Variants in DRD2 observed in about 807,000 individuals in gnomAD.
DRD2 encodes the protein dopamine receptor D2, also known as D(2) dopamine receptor.
A neutral mutation model predicts 38.0 loss-of-function variants in DRD2; 8 were observed. That is an observed-to-expected ratio of 0.21 (90% CI 0.12 to 0.38). DRD2 has a LOEUF of 0.38. Among genes scored for constraint, DRD2 ranks in the 10% least tolerant of loss-of-function variants. The pLI is 1.00. For synonymous variants in DRD2, 230 were observed against 238.6 expected, an observed-to-expected ratio of 0.96 and a Z score of 0.33; for missense variants, 403 against 607.7, an observed-to-expected ratio of 0.66 and a Z score of 3.54.
rs753530257 is a variant in DRD2 at position 113,424,423 on chromosome 11, C to T, written c.229G>A (p.Ala77Thr). 1 of 1,614,190 alleles carries T rather than the reference C, an allele frequency of 6.2e-7. No individual in the cohort carries two copies. The highest frequency in any genetic ancestry group is 8.5e-7 in the Non-Finnish European group (1 of 1,180,040). Residue 77 changes from alanine (A) to threonine (T), a missense_variant, in exon 2 of 8, where the codon GCA becomes ACA. Coordinates refer to ENST00000362072, the MANE Select transcript of DRD2 (RefSeq NM_000795.4). The part of the protein sequence containing the change: ...TTTNYLIVSL[A>T]VADLLVATLV... ...GTGGCGACGAGGAGGTCGGCCACTG[C>T]GAGGCTGACGATCAGGTAGTTGGTG...
At chr11:113,434,494 G>A (rs1368152541) in intron 1 of DRD2, among the ~76,000 whole-genome samples, 1 of 152,180 alleles carries the variant, frequency 6.6e-6, no homozygotes, top group Non-Finnish European at 1.5e-5. Flanking sequence ...GCTGGGGTTG[G>A]GTGCCCAGCT....
At position 113,412,621 on chromosome 11, in the gene DRD2, A is replaced by G; in HGVS notation, c.1073T>C (p.Met358Thr). The part of the protein sequence containing the change: ...NGKTRTSLKT[M>T]SRRKLSQQKE... ...CTGCTGGGAGAGCTTCCTACGGCTC[A>G]TGGTCTTGAGGGAGGTCCGGGTTTT... The change falls in exon 7 of 8, where the codon ATG becomes ACG. Residue 358 changes from methionine (M) to threonine (T), a missense_variant. Met to Thr is a moderately conservative substitution (Grantham distance 81, BLOSUM62 -1). Around this residue, in one of 4 missense-constraint regions of DRD2, gnomAD observed 67 missense variants for 136.1 expected, o/e 0.49. Coordinates refer to ENST00000362072, the MANE Select transcript of DRD2 (RefSeq NM_000795.4). 6.2e-7 allele frequency: 1 copy of G among 1,613,976 alleles called. No individual in the cohort carries two copies. The highest frequency in any genetic ancestry group is 1.1e-5 in the South Asian group (1 of 91,080).
chr11:113,414,162 T>C, intron 6 of DRD2: 1 of 631,410 alleles, frequency 1.6e-6, no homozygotes, highest in African/African-American at 1.8e-5. Context: ...GGCCAACCAT[T>C]TTCTCGTACA....
In DRD2 at chr11:113,418,080, G is replaced by T; in HGVS notation, c.342C>A (p.Asp114Glu). The T allele has an allele frequency of 6.2e-7, 1 of 1,614,174 alleles. No individual in the cohort carries two copies. Among genetic ancestry groups the T allele is most frequent in the Admixed American group, 1.7e-5 (1 of 60,018 alleles). ...RIHCDIFVTL[D>E]VMMCTASILN... is the part of the protein sequence containing the mutation. ...GGATGCTCGCCGTGCACATCATGAC[G>T]TCCAGAGTGACGAAGATGTCACAGT... Residue 114 changes from aspartate to glutamate, a missense_variant, in exon 3 of 8, where the codon GAC becomes GAA. Physicochemically the swap from Asp to Glu is conservative, Grantham distance 45. Around this residue, in one of 4 missense-constraint regions of DRD2, gnomAD observed 162 missense variants for 254.5 expected, o/e 0.64. Coordinates refer to ENST00000362072, the MANE Select transcript of DRD2 (RefSeq NM_000795.4).
intron 1 of DRD2, among the ~76,000 whole-genome samples, chr11:113,462,468 T>G (rs972349881): frequency 1.3e-5 from 2 of 152,088 alleles, no homozygotes; most frequent in Non-Finnish European, 2.9e-5. Context: ...CAGAGAGCCA[T>G]GGGGGAGAGA....
At chr11:113,439,838 CAAAAAAAAAAAAAAAAAAAAA>C (rs67577307) in intron 1 of DRD2, among the ~76,000 whole-genome samples, 2 of 16,258 alleles carry the variant, frequency 1.2e-4, no homozygotes, top group African/African-American at 2.9e-4. Flanking sequence ...GGCTCTGTCT[CAAAAAAAAAAAAAAAAAAAAA>C]AAAAAAAAAA....
intron 6 of DRD2, chr11:113,413,421 T>A (rs941385576): frequency 2.4e-5 from 12 of 510,292 alleles, no homozygotes; most frequent in Admixed American, 1.4e-4. Flanking sequence ...GCCCCACATC[T>A]TCCCTGCTGG....
At chr11:113,423,466 G>A (rs932541193) in intron 2 of DRD2, among the ~76,000 whole-genome samples, 1 of 152,082 alleles carries the variant, frequency 6.6e-6, no homozygotes, top group South Asian at 2.1e-4. Flanking sequence ...AGTAGAGATG[G>A]GGTTTCACCA....
chr11:113,434,730 T>C (rs1951019636), intron 1 of DRD2, among the ~76,000 whole-genome samples: 1 of 152,050 alleles, frequency 6.6e-6, no homozygotes, highest in African/African-American at 2.4e-5. Flanking sequence ...AGTGTCCAGG[T>C]TGGCAGCACC....
At position 113,410,336 on chromosome 11, in the gene DRD2, G is replaced by A. The variant is rs1565657896; in HGVS notation, c.*391C>T. 4 of 413,606 alleles carry A rather than the reference G, an allele frequency of 9.7e-6. No homozygotes were observed. Among genetic ancestry groups the A allele is most frequent in the East Asian group, 4.9e-5 (1 of 20,292 alleles). The allele number at this position is 413,606 out of a possible 1,614,324, so 25.6% of individuals were successfully genotyped here. A position where few individuals can be genotyped will look rare whatever the true frequency, so the allele number is the denominator to read the frequency against. ...CATCTCTCCCCACCGCCTGCTCCAC[G>A]CCAAGCCCCACAAAGAGAAAACTCA... On this transcript the variant is annotated 3_prime_UTR_variant, in exon 8 of 8. Transcript: ENST00000362072.
intron 1 of DRD2, among the ~76,000 whole-genome samples, chr11:113,437,864 C>T (rs1438104534): frequency 1.3e-5 from 2 of 152,184 alleles, no homozygotes; most frequent in African/African-American, 4.8e-5. Context: ...CTTGCTTTGC[C>T]TGGTCTTCTG....
intron 1 of DRD2, among the ~76,000 whole-genome samples, chr11:113,448,202 GT>G (rs952134050): frequency 4.6e-5 from 7 of 152,184 alleles, no homozygotes; most frequent in Non-Finnish European, 1.0e-4. Context: ...GTCTAATGAC[GT>G]TCTTTTCCTG....
chr11:113,434,848 A>G (rs912127501), intron 1 of DRD2, among the ~76,000 whole-genome samples: 2 of 152,182 alleles, frequency 1.3e-5, no homozygotes, highest in African/African-American at 4.8e-5. Flanking sequence ...GCTGAGACTC[A>G]GTTCTCTATG....
chr11:113,415,103 G>C (rs1212308816), intron 5 of DRD2, among the ~76,000 whole-genome samples: 1 of 152,148 alleles, frequency 6.6e-6, no homozygotes, highest in African/African-American at 2.4e-5. Flanking sequence ...AAGTGAGACA[G>C]AGAAACCAGA....
chr11:113,444,961 G>A (rs1310716435), intron 1 of DRD2, among the ~76,000 whole-genome samples: 2 of 152,204 alleles, frequency 1.3e-5, no homozygotes, highest in South Asian at 2.1e-4. Flanking sequence ...TTCACTGCAC[G>A]GGACAGATTT....
chr11:113,418,656 G>A (rs77995019), intron 2 of DRD2, among the ~76,000 whole-genome samples: 6,185 of 152,138 alleles, frequency 0.041, 430 homozygotes, highest in African/African-American at 0.14. Context: ...CAGCCACCCC[G>A]TTTCTCTAAT....
At chr11:113,416,429 C>T (rs1424576055) in intron 4 of DRD2, among the ~76,000 whole-genome samples, 1 of 152,190 alleles carries the variant, frequency 6.6e-6, no homozygotes, top group East Asian at 1.9e-4. Flanking sequence ...TAAGGCCTGA[C>T]CTGGGTTTAG....
chr11:113,459,149 T>C (rs1951293415), intron 1 of DRD2, among the ~76,000 whole-genome samples: 1 of 152,242 alleles, frequency 6.6e-6, no homozygotes, highest in African/African-American at 2.4e-5. Context: ...AGTAATAATT[T>C]CTATCTTTTA....
At chr11:113,470,710 C>CT in intron 1 of DRD2, among the ~76,000 whole-genome samples, 1 of 152,326 alleles carries the variant, frequency 6.6e-6, no homozygotes, top group East Asian at 1.9e-4. Flanking sequence ...TCCTAAGAGT[C>CT]TACTTCTCCT....
Sources: gnomAD v4.1 joint callset for allele counts (sites outside exome capture counted in the v4.1 genomes callset) on GRCh38, gnomAD v4.1.1 for gene constraint, gnomAD v4.1.1 regional missense constraint, MANE v1.5 for transcripts, NCBI Gene and HGNC (gene_info 2026-07-23, HGNC 2026-07-21) for gene names.